Variants in TFDP2 observed in about 807,000 individuals in gnomAD.
TFDP2 encodes the protein transcription factor Dp-2.
TFDP2 carries 17 observed loss-of-function variants against 59.3 expected under a neutral mutation model. That is an observed-to-expected ratio of 0.29 (90% confidence interval 0.20 to 0.43). TFDP2 has a LOEUF of 0.43. TFDP2 is among the 20% of genes least tolerant of loss of function. The pLI is 1.00. For synonymous variants in TFDP2, 180 were observed against 194.7 expected (o/e 0.92, Z 0.63); for missense variants, 391 against 528.8 (o/e 0.74, Z 2.56).
chr3:142,139,456 T>C (rs890950109), intron 1 of TFDP2, among the ~76,000 whole-genome samples: 1 of 152,212 alleles, frequency 6.6e-6, no homozygotes, highest in Non-Finnish European at 1.5e-5. Flanking sequence ...AGTTTCTTCA[T>C]AGCATTCATG....
intron 9 of TFDP2, among the ~76,000 whole-genome samples, chr3:141,966,354 G>A (rs1409891682): frequency 1.3e-5 from 2 of 151,632 alleles, no homozygotes; most frequent in Non-Finnish European, 2.9e-5. Context: ...TGCATTTTTA[G>A]TAGAGGCGGG....
At chr3:142,120,242 G>C (rs1268043618) in intron 1 of TFDP2, among the ~76,000 whole-genome samples, 3 of 151,512 alleles carry the variant, frequency 2.0e-5, no homozygotes, top group African/African-American at 7.3e-5. Flanking sequence ...GGCGCCTGTA[G>C]TCCCAGCTAC....
chr3:142,024,662 G>A (rs1029089382), intron 3 of TFDP2, among the ~76,000 whole-genome samples: 6 of 152,158 alleles, frequency 3.9e-5, no homozygotes, highest in Admixed American at 3.9e-4. Context: ...TTGTGATAAA[G>A]AGTTCATACA....
chr3:142,094,940 A>G (rs2061114809), intron 2 of TFDP2, among the ~76,000 whole-genome samples: 2 of 152,198 alleles, frequency 1.3e-5, no homozygotes, highest in African/African-American at 2.4e-5. Flanking sequence ...AAAGCTTTAT[A>G]ACTTTATAAC....
rs2061421945 is a variant in TFDP2 at position 142,104,753 on chromosome 3, AT to A, written c.-92-2913del. Among the ~76,000 whole-genome samples the A allele has an allele frequency of 3.3e-5, 5 of 152,342 alleles. No individual in the cohort carries two copies. In the South Asian group the frequency reaches 8.3e-4, roughly 25 times the overall value. On this transcript the variant is annotated intron_variant, in intron 1 of 12. Coordinates refer to ENST00000489671, the MANE Select transcript of TFDP2 (RefSeq NM_001178139.2). ...TTAGGGTATATTTATATTTCTTTTT[AT>A]TCATTAAGCCATCAATCAATTTAAA...
At chr3:141,998,409 T>C (rs1576637155) in intron 4 of TFDP2, among the ~76,000 whole-genome samples, 1 of 151,798 alleles carries the variant, frequency 6.6e-6, no homozygotes, top group South Asian at 2.1e-4. Context: ...AGGTAGGGAG[T>C]TCGAGACCAG....
intron 3 of TFDP2, among the ~76,000 whole-genome samples, chr3:142,029,932 A>C (rs1386149641): frequency 6.6e-6 from 1 of 152,172 alleles, no homozygotes; most frequent in East Asian, 1.9e-4. Flanking sequence ...CTCCTAGATG[A>C]CTAAGGTACT....
At chr3:142,043,798 A>G in intron 3 of TFDP2, 3 of 1,597,256 alleles carry the variant, frequency 1.9e-6, no homozygotes, top group Non-Finnish European at 2.6e-6. Flanking sequence ...GATGTGCTCC[A>G]TGAGAATCCG....
At chr3:142,103,986 C>T (rs534670547) in intron 1 of TFDP2, among the ~76,000 whole-genome samples, 13 of 152,058 alleles carry the variant, frequency 8.5e-5, no homozygotes, top group African/African-American at 3.1e-4. Context: ...ACCTATCAAC[C>T]CGTCACCTAG....
intron 3 of TFDP2, among the ~76,000 whole-genome samples, chr3:142,008,845 T>C (rs1412331418): frequency 6.6e-6 from 1 of 152,208 alleles, no homozygotes; most frequent in East Asian, 1.9e-4. Context: ...TGTATGTGTG[T>C]ATATTTTTTC....
chr3:142,136,660 C>A (rs2062750401), intron 1 of TFDP2, among the ~76,000 whole-genome samples: 1 of 152,036 alleles, frequency 6.6e-6, no homozygotes, highest in Admixed American at 6.5e-5. Context: ...TTTCCCAGCA[C>A]CATTTGTTAA....
chr3:141,971,481 G>A (rs1387253876), intron 8 of TFDP2, among the ~76,000 whole-genome samples: 2 of 151,786 alleles, frequency 1.3e-5, no homozygotes, highest in African/African-American at 4.8e-5. Flanking sequence ...CCCGGGAGGC[G>A]GAGGTTGCAG....
At chr3:142,127,201 T>C (rs1343115102) in intron 1 of TFDP2, among the ~76,000 whole-genome samples, 1 of 148,208 alleles carries the variant, frequency 6.7e-6, no homozygotes, top group Non-Finnish European at 1.5e-5. Flanking sequence ...TATATATTAA[T>C]ATTATATATT....
chr3:142,110,183 C>T (rs2061602537), intron 1 of TFDP2, among the ~76,000 whole-genome samples: 1 of 152,080 alleles, frequency 6.6e-6, no homozygotes, highest in Non-Finnish European at 1.5e-5. Context: ...CACGCCCAGT[C>T]CATTGCTCAC....
At chr3:142,008,856 C>T (rs2108283508) in intron 3 of TFDP2, among the ~76,000 whole-genome samples, 1 of 152,040 alleles carries the variant, frequency 6.6e-6, no homozygotes, top group South Asian at 2.1e-4. Context: ...ATATTTTTTC[C>T]TCATCGATGC....
intron 3 of TFDP2, among the ~76,000 whole-genome samples, chr3:142,025,268 T>C (rs1945983256): frequency 6.6e-6 from 1 of 152,186 alleles, no homozygotes; most frequent in Non-Finnish European, 1.5e-5. Context: ...CTATACTCCA[T>C]ATATGCTAAA....
intron 10 of TFDP2, among the ~76,000 whole-genome samples, chr3:141,960,887 A>G (rs1224312932): frequency 6.6e-6 from 1 of 152,204 alleles, no homozygotes; most frequent in Non-Finnish European, 1.5e-5. Flanking sequence ...CACCAAAGTA[A>G]CTGAAAGGGT....
In TFDP2 at chr3:142,107,911, A is replaced by T. The variant is rs147983615; in HGVS notation, c.-92-6070T>A. Among the ~76,000 whole-genome samples, 596 of 152,298 alleles carry T rather than the reference A, an allele frequency of 3.9e-3. 6 individuals are homozygous for T. Among genetic ancestry groups the T allele is most frequent in the African/African-American group, 0.014 (564 of 41,572 alleles). On this transcript the variant is annotated intron_variant, in intron 1 of 12. Coordinates refer to ENST00000489671, the MANE Select transcript of TFDP2 (RefSeq NM_001178139.2). The stretch of plus-strand genomic sequence containing the variant: ...AATTCAGAGAAAATGATAACCTACT[A>T]TGCTGAAAGAATCCTTTAAAATCTC...
intron 9 of TFDP2, among the ~76,000 whole-genome samples, chr3:141,967,783 T>C (rs143483468): frequency 6.6e-6 from 1 of 151,914 alleles, no homozygotes; most frequent in African/African-American, 2.4e-5. Context: ...CTTTAAAAAA[T>C]AAAAAAACAA....
Sources: gnomAD v4.1 joint callset for allele counts (sites outside exome capture counted in the v4.1 genomes callset) on GRCh38, gnomAD v4.1.1 for gene constraint, MANE v1.5 for transcripts, NCBI Gene and HGNC (gene_info 2026-07-23, HGNC 2026-07-21) for gene names.